The following CERS6 variants were observed in gnomAD, a reference collection of about 807,000 sequenced individuals.
CERS6 encodes the protein ceramide synthase 6, also known as LAG1 homolog, ceramide synthase 6.
Under a neutral mutation model 56.8 loss-of-function variants are expected in CERS6, and 26 were observed. The ratio of observed to expected loss-of-function variants is 0.46; its 90% CI spans 0.34 to 0.63. CERS6 has a LOEUF of 0.63. Among genes scored for constraint, CERS6 ranks in the 30% least tolerant of loss-of-function variants. The pLI, the probability that CERS6 is intolerant of heterozygous loss-of-function variation, is 0.01. For missense variants in CERS6, 415 were observed against 467.5 expected, an observed-to-expected ratio of 0.89 and a Z score of 1.04; for synonymous variants, 164 against 173.3, an observed-to-expected ratio of 0.95 and a Z score of 0.42.
chr2:168,614,687 A>G (rs1314733388), intron 3 of CERS6, among the ~76,000 whole-genome samples: 1 of 151,794 alleles, frequency 6.6e-6, no homozygotes, highest in Non-Finnish European at 1.5e-5. Context: ...TGGGAACCAC[A>G]CCCCCATCCC....
At chr2:168,564,981 A>G (rs1159323348) in intron 3 of CERS6, among the ~76,000 whole-genome samples, 1 of 152,198 alleles carries the variant, frequency 6.6e-6, no homozygotes, top group Non-Finnish European at 1.5e-5. Flanking sequence ...ATTGTTTTGG[A>G]AAGAGTTGCT....
At chr2:168,743,234 A>ATATG (rs1553515346) in intron 8 of CERS6, among the ~76,000 whole-genome samples, 5 of 147,208 alleles carry the variant, frequency 3.4e-5, no homozygotes, top group South Asian at 2.1e-4. Flanking sequence ...GTATATATAT[A>ATATG]TGTGTGTGTG....
At chr2:168,723,889 G>T (rs1683262613) in intron 8 of CERS6, among the ~76,000 whole-genome samples, 1 of 152,158 alleles carries the variant, frequency 6.6e-6, no homozygotes, top group Non-Finnish European at 1.5e-5. Context: ...GCTAAAACTT[G>T]AGCAAACATA....
intron 8 of CERS6, among the ~76,000 whole-genome samples, chr2:168,742,656 G>A (rs916343417): frequency 6.6e-6 from 1 of 152,162 alleles, no homozygotes; most frequent in Admixed American, 6.5e-5. Flanking sequence ...CAATAAAGAG[G>A]CCAGGCAGAG....
At chr2:168,526,535 A>C (rs893545869) in intron 1 of CERS6, among the ~76,000 whole-genome samples, 39 of 152,372 alleles carry the variant, frequency 2.6e-4, no homozygotes, top group Non-Finnish European at 4.9e-4. Context: ...CCAGTGTATC[A>C]TTTAATTCTT....
chr2:168,520,242 T>C (rs1694952664), intron 1 of CERS6, among the ~76,000 whole-genome samples: 2 of 152,220 alleles, frequency 1.3e-5, no homozygotes, highest in African/African-American at 4.8e-5. Context: ...TTGAGAAGTG[T>C]CTGTTTATGT....
intron 8 of CERS6, among the ~76,000 whole-genome samples, chr2:168,746,815 A>ATG (rs1684116990): frequency 8.9e-6 from 1 of 112,624 alleles, no homozygotes; most frequent in Non-Finnish European, 1.8e-5. Flanking sequence ...ATATATATAT[A>ATG]TATATAAAAT....
At chr2:168,687,520 G>A (rs893741324) in intron 4 of CERS6, among the ~76,000 whole-genome samples, 1 of 152,150 alleles carries the variant, frequency 6.6e-6, no homozygotes, top group Non-Finnish European at 1.5e-5. Flanking sequence ...GAGCTGGCAT[G>A]TTCTTTTATA....
At chr2:168,551,271 A>G (rs767180405) in intron 2 of CERS6, among the ~76,000 whole-genome samples, 2 of 152,052 alleles carry the variant, frequency 1.3e-5, no homozygotes, top group Admixed American at 1.3e-4. Flanking sequence ...TTGAAGTAAC[A>G]CCTGTCTTCC....
rs143712518 is a variant in CERS6, at chr2:168,540,554, G to T, written c.171-7042G>T. ...AGGCAATACCATATATCTTAGGCGT[G>T]TAGTAGGCCATACCATCTAGGTTTG... On this transcript the variant is annotated intron_variant, in intron 1 of 9. Transcript: ENST00000305747. Among the ~76,000 whole-genome samples, 236 of 152,310 alleles carry T rather than the reference G, an allele frequency of 1.5e-3. 2 individuals are homozygous for T. The highest frequency in any genetic ancestry group is 5.3e-3 in the African/African-American group (221 of 41,552).
At chr2:168,474,642 T>C (rs1685668254) in intron 1 of CERS6, among the ~76,000 whole-genome samples, 1 of 151,976 alleles carries the variant, frequency 6.6e-6, no homozygotes, top group African/African-American at 2.4e-5. Flanking sequence ...CAAGACATTT[T>C]GCCACTCTTT....
chr2:168,669,521 T>C (rs773489619), intron 4 of CERS6, among the ~76,000 whole-genome samples: 1 of 152,232 alleles, frequency 6.6e-6, no homozygotes, highest in South Asian at 2.1e-4. Flanking sequence ...GTGTAGGCAA[T>C]TAGAGGAGGA....
chr2:168,749,721 G>A (rs1266431555), intron 8 of CERS6, among the ~76,000 whole-genome samples: 3 of 107,236 alleles, frequency 2.8e-5, no homozygotes, highest in African/African-American at 1.1e-4. Context: ...TGGCTTTCTG[G>A]AAACTCACCT....
chr2:168,702,414 CGTT>C (rs1195962197), intron 6 of CERS6, among the ~76,000 whole-genome samples: 2 of 152,068 alleles, frequency 1.3e-5, no homozygotes. Flanking sequence ...TAGCTTGTCA[CGTT>C]GTTTCAAAGA....
intron 9 of CERS6, among the ~76,000 whole-genome samples, chr2:168,767,055 A>G (rs957611803): frequency 6.6e-6 from 1 of 152,272 alleles, no homozygotes; most frequent in African/African-American, 2.4e-5. Context: ...AACTGTCAAT[A>G]TGATAACAAT....
intron 1 of CERS6, among the ~76,000 whole-genome samples, chr2:168,472,428 G>A (rs1354213478): frequency 6.6e-6 from 1 of 152,210 alleles, no homozygotes; most frequent in Non-Finnish European, 1.5e-5. Flanking sequence ...TTAAGGAATA[G>A]TAGGTTCCTT....
chr2:168,520,984 A>G (rs536699248), intron 1 of CERS6, among the ~76,000 whole-genome samples: 252 of 150,782 alleles, frequency 1.7e-3, no homozygotes, highest in African/African-American at 5.7e-3. Context: ...CAACATTAAT[A>G]TTATTTGTTT....
intron 1 of CERS6, among the ~76,000 whole-genome samples, chr2:168,538,764 G>A (rs1334597458): frequency 6.6e-6 from 1 of 152,182 alleles, no homozygotes; most frequent in African/African-American, 2.4e-5. Context: ...GACTCATTAA[G>A]CTATTTGCCA....
rs114977494 is a variant in CERS6 at position 168,722,656 on chromosome 2, A to T, written c.845+4678A>T. Among the ~76,000 whole-genome samples, 1,099 of 152,198 alleles carry T rather than the reference A, an allele frequency of 7.2e-3. 15 individuals carry two copies. The highest frequency in any genetic ancestry group is 0.025 in the African/African-American group (1,043 of 41,510). On this transcript the variant is annotated intron_variant, in intron 8 of 9. Transcript: ENST00000305747. ...ATTCATTTCCACCTCTTGGAATCAC[A>T]CTATATTTTATCTGTGGCCTGCTTC...
Sources: gnomAD v4.1 joint callset for allele counts (sites outside exome capture counted in the v4.1 genomes callset) on GRCh38, gnomAD v4.1.1 for gene constraint, MANE v1.5 for transcripts, NCBI Gene and HGNC (gene_info 2026-07-23, HGNC 2026-07-21) for gene names.